The following THSD7B variants were observed in gnomAD, a reference collection of about 807,000 sequenced individuals.
THSD7B encodes thrombospondin type 1 domain containing 7B, also known as thrombospondin type-1 domain-containing protein 7B.
Under a neutral mutation model 213.6 loss-of-function variants are expected in THSD7B, and 138 were observed. The observed-to-expected ratio is 0.65, with a 90% confidence interval of 0.56 to 0.74. The LOEUF (loss-of-function observed/expected upper bound fraction) is 0.74. Ranked by LOEUF, THSD7B falls within the 30% of genes least tolerant of loss-of-function variation. THSD7B has a pLI of 0.00. For missense variants in THSD7B, 1,931 were observed against 1,991.5 expected (o/e 0.97, Z 0.58); for synonymous variants, 742 against 687.0 (o/e 1.08, Z -1.25).
chr2:137,569,253 A>C (rs1326124961), intron 16 of THSD7B, among the ~76,000 whole-genome samples: 1 of 152,244 alleles, frequency 6.6e-6, no homozygotes, highest in Non-Finnish European at 1.5e-5. Context: ...ATGTTAGCCC[A>C]TGAGGCCCAA....
chr2:137,055,748 C>G (rs958904425), intron 2 of THSD7B, among the ~76,000 whole-genome samples: 1 of 152,212 alleles, frequency 6.6e-6, no homozygotes, highest in African/African-American at 2.4e-5. Flanking sequence ...TTTCCACAGA[C>G]AATTCAGTGC....
At chr2:137,129,672 C>G (rs1045307224) in intron 5 of THSD7B, among the ~76,000 whole-genome samples, 2 of 152,128 alleles carry the variant, frequency 1.3e-5, no homozygotes, top group Non-Finnish European at 2.9e-5. Flanking sequence ...AACTTTTGGC[C>G]TCAAGCGATC....
chr2:137,181,156 T>A (rs923082844), intron 7 of THSD7B, among the ~76,000 whole-genome samples: 1 of 152,188 alleles, frequency 6.6e-6, no homozygotes, highest in Non-Finnish European at 1.5e-5. Context: ...TAGAATTTAT[T>A]CATCAGAATG....
At chr2:137,298,151 G>T (rs62171145) in intron 12 of THSD7B, among the ~76,000 whole-genome samples, 9,358 of 152,164 alleles carry the variant, frequency 0.061, 542 homozygotes, top group African/African-American at 0.14. Context: ...GGCTGAGGTG[G>T]TCTCAGATGG....
intron 3 of THSD7B, among the ~76,000 whole-genome samples, chr2:137,078,254 T>A (rs1687671688): frequency 6.6e-6 from 1 of 152,246 alleles, no homozygotes; most frequent in Admixed American, 6.5e-5. Flanking sequence ...TGAAGTCAGA[T>A]AGCGTGATGC....
At chr2:136,828,243 C>G (rs148719543) in intron 1 of THSD7B, among the ~76,000 whole-genome samples, 11 of 152,204 alleles carry the variant, frequency 7.2e-5, no homozygotes, top group Middle Eastern at 3.4e-3. Context: ...CTCTGGGTAG[C>G]CTTTTCTATG....
In THSD7B at chr2:137,240,363, G is replaced by C. The variant is rs533613589; in HGVS notation, c.2151-2094G>C. Among the ~76,000 whole-genome samples the C allele has an allele frequency of 1.5e-3, 234 of 152,298 alleles. 1 individual carries two copies. Among genetic ancestry groups the C allele is most frequent in the African/African-American group, 5.5e-3 (228 of 41,576 alleles). The stretch of plus-strand genomic sequence containing the variant: ...AAATTGCTTTCAGATTTATAATTAT[G>C]TAAGTTGATGAGGTCTGATGTCACT... On this transcript the variant is annotated intron_variant, in intron 9 of 27. Transcript: ENST00000409968.
intron 1 of THSD7B, among the ~76,000 whole-genome samples, chr2:136,863,434 A>G (rs1242048180): frequency 1.3e-5 from 2 of 152,176 alleles, no homozygotes; most frequent in Non-Finnish European, 2.9e-5. Context: ...TCAGCTTTTC[A>G]CAGCGCCCAA....
chr2:137,101,235 A>G (rs1477729034), intron 4 of THSD7B, among the ~76,000 whole-genome samples: 1 of 151,964 alleles, frequency 6.6e-6, no homozygotes, highest in African/African-American at 2.4e-5. Context: ...ACGAGGTTTC[A>G]TCATGTTGTC....
chr2:137,287,355 G>T (rs1387207228), intron 12 of THSD7B, among the ~76,000 whole-genome samples: 1 of 152,106 alleles, frequency 6.6e-6, no homozygotes, highest in African/African-American at 2.4e-5. Flanking sequence ...ACAAAAGGAT[G>T]TGTTTTATAA....
chr2:137,486,457 T>G (rs979891637), intron 15 of THSD7B, among the ~76,000 whole-genome samples: 2 of 151,388 alleles, frequency 1.3e-5, no homozygotes, highest in African/African-American at 2.4e-5. Context: ...CCTAAATATA[T>G]ATGCACCCAA....
intron 14 of THSD7B, among the ~76,000 whole-genome samples, chr2:137,430,188 A>G (rs1241348896): frequency 6.6e-6 from 1 of 152,178 alleles, no homozygotes; most frequent in Non-Finnish European, 1.5e-5. Context: ...TCAAGGCTAC[A>G]GTGAGCTGTG....
chr2:137,144,515 G>C (rs566036914), intron 5 of THSD7B, among the ~76,000 whole-genome samples: 1 of 151,966 alleles, frequency 6.6e-6, no homozygotes, highest in East Asian at 1.9e-4. Context: ...GTATCATAGG[G>C]GAATTTAACT....
chr2:137,351,278 A>C (rs562788524), intron 12 of THSD7B, among the ~76,000 whole-genome samples: 1 of 152,100 alleles, frequency 6.6e-6, no homozygotes, highest in African/African-American at 2.4e-5. Context: ...TTAACATAGA[A>C]GATATGCAAG....
intron 12 of THSD7B, among the ~76,000 whole-genome samples, chr2:137,400,641 T>C (rs1686333594): frequency 6.6e-6 from 1 of 152,190 alleles, no homozygotes; most frequent in Non-Finnish European, 1.5e-5. Context: ...TCTTCTTCCT[T>C]ATCACTGTGA....
At chr2:136,989,536 C>T (rs1037298579) in intron 2 of THSD7B, among the ~76,000 whole-genome samples, 1 of 152,176 alleles carries the variant, frequency 6.6e-6, no homozygotes, top group Non-Finnish European at 1.5e-5. Context: ...ATGCTGGCAC[C>T]ATGCTTGTAT....
At chr2:136,833,242 G>A (rs908104579) in intron 1 of THSD7B, among the ~76,000 whole-genome samples, 2 of 151,510 alleles carry the variant, frequency 1.3e-5, no homozygotes, top group Admixed American at 1.3e-4. Flanking sequence ...GCGGGTGCCT[G>A]TAGTCCCAGC....
chr2:136,904,605 G>A (rs1558846246), intron 2 of THSD7B, among the ~76,000 whole-genome samples: 1 of 152,168 alleles, frequency 6.6e-6, no homozygotes, highest in Non-Finnish European at 1.5e-5. Context: ...CCTGTGGCAG[G>A]GGCCATCTTC....
At chr2:137,570,331 C>T (rs770679906) in intron 16 of THSD7B, among the ~76,000 whole-genome samples, 9 of 151,466 alleles carry the variant, frequency 5.9e-5, no homozygotes, top group East Asian at 1.9e-4. Flanking sequence ...TATTTTGAGA[C>T]GGAGTCTCGC....
Sources: gnomAD v4.1 joint callset for allele counts (sites outside exome capture counted in the v4.1 genomes callset) on GRCh38, gnomAD v4.1.1 for gene constraint, MANE v1.5 for transcripts, NCBI Gene and HGNC (gene_info 2026-07-23, HGNC 2026-07-21) for gene names.